CD2: variants seen among roughly 807,000 people sequenced by gnomAD.
CD2 encodes the protein T-cell surface antigen CD2.
A neutral mutation model predicts 23.2 loss-of-function variants in CD2; 18 were observed. The observed-to-expected ratio is 0.77, with a 90% confidence interval of 0.54 to 1.15. CD2 has a LOEUF of 1.15. CD2 is among the 50% of genes most tolerant of loss of function. CD2 has a pLI of 0.00. For synonymous variants in CD2, 162 were observed against 151.9 expected, an observed-to-expected ratio of 1.07 and a Z score of -0.49; for missense variants, 424 against 423.1, an observed-to-expected ratio of 1.00 and a Z score of -0.02.
chr1:116,768,041 T>C (rs1652268271), intron 4 of CD2, among the ~76,000 whole-genome samples: 1 of 152,152 alleles, frequency 6.6e-6, no homozygotes, highest in South Asian at 2.1e-4. Flanking sequence ...AGATCTAACA[T>C]AGAAATGCCT....
intron 4 of CD2, among the ~76,000 whole-genome samples, chr1:116,766,594 A>G (rs765368081): frequency 6.6e-6 from 1 of 152,100 alleles, no homozygotes; most frequent in Non-Finnish European, 1.5e-5. Context: ...GGTGGCTCAT[A>G]TCTGTAATCT....
rs76905055 is a variant in CD2 at position 116,755,115 on chromosome 1, C to A, written c.382+164C>A. ...CCCCAGTGGAGACTGTGGTCCAATGCGGGAATGGGATCCACACATCTGATA... is the reference window on the plus strand; with the variant it reads ...CCCCAGTGGAGACTGTGGTCCAATGAGGGAATGGGATCCACACATCTGATA... On this transcript the variant is annotated intron_variant, in intron 2 of 4. Transcript: ENST00000369478. The A allele has an allele frequency of 3.8e-3, 2,349 of 612,502 alleles. 83 individuals carry two copies. In the Admixed American group the frequency reaches 0.058, roughly 15 times the overall value. 37.9% of individuals were successfully genotyped at this position (612,502 alleles called of 1,614,324 possible).
At chr1:116,763,739 A>C (rs944259705) in intron 3 of CD2, among the ~76,000 whole-genome samples, 1 of 152,184 alleles carries the variant, frequency 6.6e-6, no homozygotes, top group African/African-American at 2.4e-5. Flanking sequence ...TGCCTAAAAA[A>C]GCCTAGACCA....
intron 4 of CD2, among the ~76,000 whole-genome samples, chr1:116,768,218 C>T (rs1037525014): frequency 1.3e-5 from 2 of 152,148 alleles, no homozygotes; most frequent in African/African-American, 2.4e-5. Flanking sequence ...GCACAAAGCC[C>T]TCCACCCATG....
intron 2 of CD2, among the ~76,000 whole-genome samples, chr1:116,759,239 T>C (rs972435903): frequency 5.3e-5 from 8 of 152,216 alleles, no homozygotes; most frequent in Admixed American, 1.3e-4. Context: ...TTTAATTTAA[T>C]TTCTGCATGC....
At chr1:116,764,450 C>G in intron 3 of CD2, 34 bp from the exon 4 acceptor site, 2 of 1,609,466 alleles carry the variant, frequency 1.2e-6, no homozygotes, top group African/African-American at 2.7e-5. Context: ...TGCCTGGACC[C>G]CTCCCAGCCA....
chr1:116,768,540 A>T lies in CD2; in HGVS notation c.813A>T (p.Ser271=). The stretch of plus-strand genomic sequence containing the variant: ...GGAAGCCCCACCAAATTCCAGCTTC[A>T]ACCCCTCAGAATCCAGCAACTTCCC... ...RGRKPHQIPA[S]TPQNPATSQH... The change falls in exon 5 of 5, where the codon TCA becomes TCT. Residue 271 remains serine (S), a synonymous_variant. Coordinates refer to ENST00000369478, the MANE Select transcript of CD2 (RefSeq NM_001767.5). The T allele has an allele frequency of 6.2e-7, 1 of 1,614,134 alleles. No individual in the cohort carries two copies. The highest frequency in any genetic ancestry group is 8.5e-7 in the Non-Finnish European group (1 of 1,180,020).
intron 3 of CD2, among the ~76,000 whole-genome samples, chr1:116,763,333 A>G (rs1348780347): frequency 1.3e-5 from 2 of 152,196 alleles, no homozygotes; most frequent in African/African-American, 2.4e-5. Context: ...GGCTTCATGT[A>G]TAACAGTGTC....
chr1:116,763,168 A>T (rs1284776749), intron 3 of CD2, among the ~76,000 whole-genome samples: 1 of 152,230 alleles, frequency 6.6e-6, no homozygotes, highest in Non-Finnish European at 1.5e-5. Flanking sequence ...AGGCCTCTTC[A>T]TCAGTAGAGC....
At chr1:116,760,245 T>TAAATA (rs1048533969) in intron 2 of CD2, among the ~76,000 whole-genome samples, 157 bp from the exon 3 acceptor site, 5 of 152,332 alleles carry the variant, frequency 3.3e-5, no homozygotes, top group Admixed American at 6.5e-5. Flanking sequence ...ATGCTCTTTG[T>TAAATA]AAATAAAATA....
intron 3 of CD2, among the ~76,000 whole-genome samples, chr1:116,763,908 G>T (rs576739512): frequency 1.3e-5 from 2 of 152,092 alleles, no homozygotes; most frequent in Non-Finnish European, 2.9e-5. Flanking sequence ...GGTGCTGGCC[G>T]TGAGGTCAGA....
chr1:116,766,323 C>T (rs1179323722), intron 4 of CD2, among the ~76,000 whole-genome samples: 1 of 152,204 alleles, frequency 6.6e-6, no homozygotes, highest in East Asian at 1.9e-4. Flanking sequence ...CCTTGTCTGT[C>T]CAACCCTGCC....
intron 3 of CD2, among the ~76,000 whole-genome samples, chr1:116,762,151 TG>T (rs1292061134): frequency 6.6e-6 from 1 of 152,220 alleles, no homozygotes; most frequent in East Asian, 1.9e-4. Context: ...TGATTAGAGT[TG>T]CCAGATATAG....
At chr1:116,765,457 C>T (rs1346509478) in intron 4 of CD2, among the ~76,000 whole-genome samples, 1 of 152,178 alleles carries the variant, frequency 6.6e-6, no homozygotes, top group Non-Finnish European at 1.5e-5. Context: ...GGCCTTGGGC[C>T]CCGTGCCCTC....
intron 4 of CD2, among the ~76,000 whole-genome samples, chr1:116,765,364 C>T (rs1268132854): frequency 6.6e-6 from 1 of 152,176 alleles, no homozygotes; most frequent in Non-Finnish European, 1.5e-5. Flanking sequence ...GACTTGGTCT[C>T]TCCCTAGAAC....
At chr1:116,755,714 A>G (rs981410419) in intron 2 of CD2, among the ~76,000 whole-genome samples, 17 of 152,174 alleles carry the variant, frequency 1.1e-4, no homozygotes, top group Non-Finnish European at 2.2e-4. Context: ...GCCAAAGTCA[A>G]TCGCCACTGG....
intron 2 of CD2, 26 bp from the exon 3 acceptor site, chr1:116,760,376 G>C: frequency 1.3e-6 from 2 of 1,589,490 alleles, no homozygotes; most frequent in Non-Finnish European, 1.7e-6. Flanking sequence ...TGCCTAAATT[G>C]AACTGAATCT....
In CD2 at chr1:116,754,714, C is replaced by G. The variant is rs1287434511; in HGVS notation, c.145C>G (p.Gln49Glu). ...CATCAACTTGGACATTCCTAGTTTT[C>G]AAATGAGTGATGATATTGACGATAT... ...QDINLDIPSF[Q>E]MSDDIDDIKW... is the part of the protein sequence containing the mutation. Residue 49 changes from glutamine to glutamate, a missense_variant, in exon 2 of 5, where the codon CAA becomes GAA. Coordinates refer to ENST00000369478, the MANE Select transcript of CD2 (RefSeq NM_001767.5). 1 of 1,612,974 alleles carries G rather than the reference C, an allele frequency of 6.2e-7. No homozygotes were observed. The highest frequency in any genetic ancestry group is 8.5e-7 in the Non-Finnish European group (1 of 1,179,644).
chr1:116,759,442 AG>A (rs1651965203), intron 2 of CD2, among the ~76,000 whole-genome samples: 1 of 151,206 alleles, frequency 6.6e-6, no homozygotes, highest in Admixed American at 6.6e-5. Context: ...AAAAAAAAAC[AG>A]AAGACGAGGA....
Sources: allele counts gnomAD v4.1 joint callset (sites outside exome capture counted in the v4.1 genomes callset), GRCh38; gene constraint gnomAD v4.1.1; transcripts MANE v1.5; gene names NCBI Gene and HGNC (gene_info 2026-07-23, HGNC 2026-07-21).